The following SMYD3 variants were observed in gnomAD, a reference collection of about 807,000 sequenced individuals.
SMYD3 encodes histone-lysine N-methyltransferase SMYD3.
SMYD3 carries 36 observed loss-of-function variants against 57.7 expected under a neutral mutation model. The ratio of observed to expected loss-of-function variants is 0.62; its 90% CI spans 0.48 to 0.82. The LOEUF is 0.82. SMYD3 is among the 40% of genes least tolerant of loss of function. The pLI is 0.00. For missense variants in SMYD3, 515 were observed against 538.8 expected, an observed-to-expected ratio of 0.96 and a Z score of 0.44; for synonymous variants, 211 against 195.0, an observed-to-expected ratio of 1.08 and a Z score of -0.68.
chr1:246,250,539 GATA>G (rs2148498162), intron 5 of SMYD3, among the ~76,000 whole-genome samples: 1 of 152,224 alleles, frequency 6.6e-6, no homozygotes, highest in East Asian at 1.9e-4. Flanking sequence ...GCTGCTCACT[GATA>G]ATATCAGAAA....
intron 1 of SMYD3, among the ~76,000 whole-genome samples, chr1:246,443,874 T>C (rs1558467791): frequency 6.6e-6 from 1 of 152,162 alleles, no homozygotes; most frequent in Non-Finnish European, 1.5e-5. Context: ...GTCAAATCAA[T>C]AAATCAAATA....
intron 1 of SMYD3, among the ~76,000 whole-genome samples, chr1:246,440,768 G>A (rs1268168054): frequency 6.6e-6 from 1 of 152,156 alleles, no homozygotes; most frequent in Non-Finnish European, 1.5e-5. Context: ...AGCTTTCACA[G>A]AAAGATACAA....
At chr1:246,069,978 A>G (rs1220103002) in intron 5 of SMYD3, among the ~76,000 whole-genome samples, 1 of 152,126 alleles carries the variant, frequency 6.6e-6, no homozygotes, top group Non-Finnish European at 1.5e-5. Flanking sequence ...CTCCCCGTCA[A>G]TGAGGCAGGC....
intron 5 of SMYD3, among the ~76,000 whole-genome samples, chr1:246,309,397 A>T (rs375068639): frequency 1.5e-4 from 23 of 152,314 alleles, no homozygotes; most frequent in East Asian, 9.6e-4. Context: ...AGTTCACCAC[A>T]AACAGGAATA....
chr1:246,234,187 G>A (rs1362772454), intron 5 of SMYD3, among the ~76,000 whole-genome samples: 1 of 146,406 alleles, frequency 6.8e-6, no homozygotes, highest in Non-Finnish European at 1.5e-5. Flanking sequence ...TTCACACTGT[G>A]ATGAACATAT....
intron 5 of SMYD3, among the ~76,000 whole-genome samples, chr1:246,135,945 T>C: frequency 6.6e-6 from 1 of 152,174 alleles, no homozygotes. Context: ...CTTTCCAAAA[T>C]CATCCTTTAT....
intron 5 of SMYD3, among the ~76,000 whole-genome samples, chr1:246,298,265 G>T (rs1217991586): frequency 1.3e-5 from 2 of 151,704 alleles, no homozygotes; most frequent in Admixed American, 1.3e-4. Context: ...ATTACAGCAG[G>T]AAAAAAAGAA....
intron 5 of SMYD3, among the ~76,000 whole-genome samples, chr1:245,997,951 T>G (rs6662970): frequency 0.65 from 98,450 of 151,682 alleles, 35,014 homozygotes; most frequent in Non-Finnish European, 0.8. Context: ...TTCTGGCAAT[T>G]GCCAGACAAA....
intron 5 of SMYD3, among the ~76,000 whole-genome samples, chr1:246,235,558 A>C (rs796852641): frequency 7.8e-6 from 1 of 127,840 alleles, no homozygotes; most frequent in Non-Finnish European, 1.8e-5. Flanking sequence ...AGACAGACAA[A>C]AAGACATGTA....
At chr1:246,310,919 C>T (rs1362908681) in intron 5 of SMYD3, among the ~76,000 whole-genome samples, 2 of 151,988 alleles carry the variant, frequency 1.3e-5, no homozygotes, top group East Asian at 1.9e-4. Flanking sequence ...CCACCCACCT[C>T]GGCCTCCCAA....
chr1:246,105,859 A>G (rs34354280), intron 5 of SMYD3, among the ~76,000 whole-genome samples: 9,830 of 152,266 alleles, frequency 0.065, 366 homozygotes, highest in African/African-American at 0.071. Flanking sequence ...CATGGCTGCC[A>G]ACTCATTTCC....
intron 5 of SMYD3, among the ~76,000 whole-genome samples, chr1:246,151,181 G>T (rs1432647573): frequency 1.3e-5 from 2 of 151,672 alleles, no homozygotes; most frequent in Admixed American, 6.6e-5. Flanking sequence ...AGGGGACAGA[G>T]GTTGCAGTGA....
chr1:246,030,712 T>G (rs2059656058), intron 5 of SMYD3, among the ~76,000 whole-genome samples: 1 of 151,768 alleles, frequency 6.6e-6, no homozygotes, highest in Non-Finnish European at 1.5e-5. Flanking sequence ...AAAAAAGGAG[T>G]TGCACCATCG....
intron 1 of SMYD3, among the ~76,000 whole-genome samples, chr1:246,474,868 G>A (rs955005668): frequency 1.3e-5 from 2 of 152,088 alleles, no homozygotes; most frequent in African/African-American, 2.4e-5. Context: ...TAGCAGGAAG[G>A]GGAAGGCTTT....
In SMYD3 at chr1:246,281,955, T is replaced by C. The variant is rs1345223390; in HGVS notation, c.531+45246A>G. Reference sequence around the variant, plus strand: ...GCTGGGCTATTGGAAATGAAACCTATTAAAGAGGAAAAAAGAGAGAGGAGG... The same window carrying C: ...GCTGGGCTATTGGAAATGAAACCTACTAAAGAGGAAAAAAGAGAGAGGAGG... On this transcript the variant is annotated intron_variant, in intron 5 of 11. Coordinates refer to ENST00000490107, the MANE Select transcript of SMYD3 (RefSeq NM_001167740.2). Among the ~76,000 whole-genome samples, 3 of 152,018 alleles carry C rather than the reference T, an allele frequency of 2.0e-5. No individual in the cohort carries two copies. In the East Asian group the frequency reaches 5.8e-4, roughly 29 times the overall value.
chr1:246,466,453 G>C (rs2067882490), intron 1 of SMYD3, among the ~76,000 whole-genome samples: 1 of 152,148 alleles, frequency 6.6e-6, no homozygotes, highest in Non-Finnish European at 1.5e-5. Context: ...GCAGGTTCTT[G>C]CTTAAAGGGG....
chr1:246,116,095 A>G (rs533722491), intron 5 of SMYD3, among the ~76,000 whole-genome samples: 1 of 152,126 alleles, frequency 6.6e-6, no homozygotes, highest in East Asian at 1.9e-4. Context: ...AGCCGAGATC[A>G]TACCACTGCG....
intron 5 of SMYD3, among the ~76,000 whole-genome samples, chr1:246,176,119 T>C (rs1307872839): frequency 6.6e-6 from 1 of 152,204 alleles, no homozygotes; most frequent in Non-Finnish European, 1.5e-5. Context: ...AGTACTCTCC[T>C]TTCCATTGAG....
At chr1:246,038,165 T>C (rs1449453316) in intron 5 of SMYD3, among the ~76,000 whole-genome samples, 1 of 152,200 alleles carries the variant, frequency 6.6e-6, no homozygotes, top group Admixed American at 6.5e-5. Context: ...CCCAGTTTAG[T>C]TTTTTACTTG....
Sources: allele counts gnomAD v4.1 joint callset (sites outside exome capture counted in the v4.1 genomes callset), GRCh38; gene constraint gnomAD v4.1.1; transcripts MANE v1.5; gene names NCBI Gene and HGNC (gene_info 2026-07-23, HGNC 2026-07-21).